Variants in ITGAE observed in about 807,000 individuals in gnomAD.
ITGAE encodes integrin subunit alpha E, also known as integrin alpha-E.
A neutral mutation model predicts 136.5 loss-of-function variants in ITGAE; 99 were observed. The observed-to-expected ratio is 0.73, with a 90% confidence interval of 0.62 to 0.86. ITGAE has a LOEUF of 0.86. ITGAE is among the 40% of genes least tolerant of loss of function. The pLI, the probability that ITGAE is intolerant of heterozygous loss-of-function variation, is 0.00. For synonymous variants in ITGAE, 613 were observed against 591.8 expected (o/e 1.04, Z -0.52); for missense variants, 1,447 against 1,515.3 (o/e 0.95, Z 0.75).
intron 2 of ITGAE, among the ~76,000 whole-genome samples, chr17:3,771,562 C>G (rs2052424164): frequency 1.5e-5 from 2 of 130,300 alleles, no homozygotes; most frequent in Admixed American, 1.7e-4. Context: ...TTTGGAGAGA[C>G]AGAGTTTCAT....
rs771701527 is a variant in ITGAE, at chr17:3,743,550, C to T, written c.2387G>A (p.Gly796Glu). Residue 796 changes from glycine (G) to glutamate (E), a missense_variant, in exon 19 of 31, where the codon GGA becomes GAA. Gly to Glu is a moderately conservative substitution (Grantham distance 98, BLOSUM62 -2). This residue lies in a region of ITGAE where 1,031 missense variants were observed against 1,011.4 expected (regional missense o/e 1.02). Transcript: ENST00000263087. ...GATGGGCTGGGGATGGTCCGTCTGT[C>T]CCTCAGGGGTCTGGAGCTGGTAGCT... ...KVSYQLQTPE[G>E]QTDHPQPILD... 1 of 1,612,960 alleles carries T rather than the reference C, an allele frequency of 6.2e-7. No homozygotes were observed. The highest frequency in any genetic ancestry group is 8.5e-7 in the Non-Finnish European group (1 of 1,179,666).
chr17:3,725,544 A>G, intron 26 of ITGAE: 1 of 1,614,250 alleles, frequency 6.2e-7, no homozygotes, highest in Non-Finnish European at 8.5e-7. Context: ...GCCAGAGATC[A>G]TCATCTCCAA....
At chr17:3,763,408 T>C (rs969111639) in intron 3 of ITGAE, among the ~76,000 whole-genome samples, 2 of 152,068 alleles carry the variant, frequency 1.3e-5, no homozygotes, top group Non-Finnish European at 2.9e-5. Flanking sequence ...ACAGTTAGAC[T>C]GAATATGTAG....
chr17:3,754,837 C>A, intron 12 of ITGAE: 1 of 423,156 alleles, frequency 2.4e-6, no homozygotes, highest in Non-Finnish European at 4.3e-6. Context: ...ACCCTCCTCA[C>A]GTAACTTCCA....
intron 1 of ITGAE, among the ~76,000 whole-genome samples, chr17:3,787,017 ATATGAT>A (rs1297505840): frequency 1.3e-5 from 2 of 152,202 alleles, no homozygotes; most frequent in Non-Finnish European, 2.9e-5. Flanking sequence ...ATTAAAAATC[ATATGAT>A]TATGATAGAT....
At chr17:3,741,372 C>T (rs540831834) in intron 19 of ITGAE, among the ~76,000 whole-genome samples, 149 of 151,916 alleles carry the variant, frequency 9.8e-4, no homozygotes, top group Non-Finnish European at 1.8e-3. Flanking sequence ...CAGGCGTGAG[C>T]CCCCGCGCCC....
At chr17:3,770,708 C>G (rs1272947537) in intron 2 of ITGAE, among the ~76,000 whole-genome samples, 1 of 152,214 alleles carries the variant, frequency 6.6e-6, no homozygotes, top group Admixed American at 6.5e-5. Flanking sequence ...TCCTCCCCAG[C>G]GTGTTCAAGC....
intron 1 of ITGAE, among the ~76,000 whole-genome samples, chr17:3,800,575 C>A (rs2053231540): frequency 6.6e-6 from 1 of 152,176 alleles, no homozygotes; most frequent in South Asian, 2.1e-4. Flanking sequence ...CTCCCCCCAC[C>A]CCACATTCCA....
At chr17:3,715,146 A>T (rs141760400) in intron 30 of ITGAE, among the ~76,000 whole-genome samples, 39 of 151,964 alleles carry the variant, frequency 2.6e-4, no homozygotes, top group African/African-American at 8.2e-4. Context: ...ATCAGAACTG[A>T]CTCCACCTTC....
At chr17:3,755,693 A>T in intron 11 of ITGAE, 137 bp downstream of exon 11, 1 of 580,612 alleles carries the variant, frequency 1.7e-6, no homozygotes, top group Non-Finnish European at 2.9e-6. Flanking sequence ...TTAATTAATT[A>T]AAATAAAATC....
chr17:3,751,741 A>G lies in ITGAE; in HGVS notation c.1802T>C (p.Leu601Pro), dbSNP rs771054630. ...KLTDVAIGAP[L>P]EGFGADDGAS... Reference sequence around the variant, plus strand: ...ACCATCATCTGCCCCAAAACCTTCCAGGGGGGCCCCGATGGCCACATCTGT... The same window carrying G: ...ACCATCATCTGCCCCAAAACCTTCCGGGGGGGCCCCGATGGCCACATCTGT... The change falls in exon 15 of 31, where the codon CTG becomes CCG. Residue 601 changes from leucine (L) to proline (P), a missense_variant. By Grantham distance (98) the Leu-to-Pro change is moderately conservative (BLOSUM62 -3). Transcript: ENST00000263087. The G allele has an allele frequency of 3.1e-6, 5 of 1,613,968 alleles. No individual in the cohort carries two copies. The Admixed American group carries it at 6.7e-5, about 22-fold the overall frequency.
At chr17:3,755,667 AAAAT>A (rs1484109215) in intron 11 of ITGAE, among the ~76,000 whole-genome samples, 159 bp downstream of exon 11, 6 of 152,338 alleles carry the variant, frequency 3.9e-5, no homozygotes, top group Admixed American at 2.0e-4. Flanking sequence ...ACTCCGTCTC[AAAAT>A]AAATAAATAA....
intron 28 of ITGAE, chr17:3,721,647 G>T (rs2051053339): frequency 6.6e-6 from 1 of 151,910 alleles, no homozygotes; most frequent in South Asian, 2.1e-4. Flanking sequence ...TTCTTCAGTT[G>T]AGACCTCACA....
chr17:3,737,540 G>A (rs1453309671), intron 20 of ITGAE, among the ~76,000 whole-genome samples: 1 of 151,910 alleles, frequency 6.6e-6, no homozygotes, highest in African/African-American at 2.4e-5. Flanking sequence ...GCGTTCAATC[G>A]GGGACATGAC....
intron 1 of ITGAE, among the ~76,000 whole-genome samples, chr17:3,800,539 T>TG (rs1048182474): frequency 3.0e-4 from 45 of 152,106 alleles, no homozygotes; most frequent in Non-Finnish European, 8.8e-5. Flanking sequence ...AAGGCTAAAA[T>TG]GGGACCCCCC....
intron 1 of ITGAE, among the ~76,000 whole-genome samples, chr17:3,784,087 C>T (rs376662915): frequency 4.6e-4 from 70 of 152,072 alleles, no homozygotes; most frequent in Middle Eastern, 6.8e-3. Context: ...GGTGAAACCC[C>T]GTCTCTACTA....
chr17:3,725,099 C>A, intron 26 of ITGAE: 2 of 1,614,218 alleles, frequency 1.2e-6, no homozygotes, highest in Admixed American at 1.7e-5. Context: ...GGGCTTCCTT[C>A]AGTTTCCACA....
Position 3,732,439 on chromosome 17 carries a change from C to T in ITGAE, c.2683G>A (p.Asp895Asn), listed in dbSNP as rs749009745. ...KPPSPNIQCD[D>N]PQPVASVLIM... ...AGGACAGAAGCAACCGGCTGAGGGT[C>T]ATCACACTGAATGTTTGGAGAGGGA... Residue 895 changes from aspartate to asparagine, a missense_variant, in exon 22 of 31, where the codon GAC becomes AAC. By Grantham distance (23) the Asp-to-Asn change is conservative. Transcript: ENST00000263087. 7 of 1,614,108 alleles carry T rather than the reference C, an allele frequency of 4.3e-6. No individual in the cohort carries two copies. In the South Asian group the frequency reaches 7.7e-5, roughly 18 times the overall value.
chr17:3,757,549 T>G (rs1405640110), intron 9 of ITGAE, among the ~76,000 whole-genome samples, 157 bp downstream of exon 9: 1 of 152,102 alleles, frequency 6.6e-6, no homozygotes, highest in African/African-American at 2.4e-5. Flanking sequence ...AAATGAGCCC[T>G]CTCTGGGATG....
Sources: gnomAD v4.1 joint callset for allele counts (sites outside exome capture counted in the v4.1 genomes callset) on GRCh38, gnomAD v4.1.1 for gene constraint, gnomAD v4.1.1 regional missense constraint, MANE v1.5 for transcripts, NCBI Gene and HGNC (gene_info 2026-07-23, HGNC 2026-07-21) for gene names.